The following CPAP variants were observed in gnomAD, a reference collection of about 807,000 sequenced individuals.
CPAP encodes centrosome assembly and centriole elongation protein, also known as centrosomal P4.1-associated protein.
At chr13:24,904,911 G>A in the CPAP span, among the ~76,000 whole-genome samples, 1 of 152,182 alleles carries the variant, frequency 6.6e-6, no homozygotes, top group Non-Finnish European at 1.5e-5. Context: ...AATGAGGTAG[G>A]TGTGTACATG....
the CPAP span, among the ~76,000 whole-genome samples, chr13:24,931,728 T>A: frequency 1.6e-3 from 247 of 152,342 alleles, 1 homozygote; most frequent in African/African-American, 5.7e-3. Flanking sequence ...ACAAACACTA[T>A]CACGAATTTC....
chr13:24,892,261 GA>G, the CPAP span, among the ~76,000 whole-genome samples: 1 of 152,214 alleles, frequency 6.6e-6, no homozygotes, highest in African/African-American at 2.4e-5. Context: ...TGTTTTAACA[GA>G]GATGATCTGC....
the CPAP span, among the ~76,000 whole-genome samples, chr13:24,890,286 A>G: frequency 1.3e-5 from 2 of 152,286 alleles, no homozygotes; most frequent in East Asian, 3.9e-4. Context: ...TCTTTCACCT[A>G]TTCTCTATTT....
chr13:24,889,419 T>C, the CPAP span: 1 of 1,517,276 alleles, frequency 6.6e-7, no homozygotes, highest in South Asian at 1.1e-5. Context: ...TAAGAGATAA[T>C]TTTTTATTTA....
the CPAP span, chr13:24,904,197 A>G: frequency 9.4e-3 from 9,221 of 980,506 alleles, 107 homozygotes; most frequent in Middle Eastern, 0.034. Context: ...TGCTTCAAAC[A>G]TGAAAAGGAA....
the CPAP span, chr13:24,884,598 TGAG>T: frequency 1.2e-6 from 1 of 844,298 alleles, no homozygotes; most frequent in East Asian, 2.6e-5. Flanking sequence ...CTTTATTTCG[TGAG>T]GAGTAGCAAA....
At chr13:24,890,162 T>C in the CPAP span, among the ~76,000 whole-genome samples, 3 of 152,188 alleles carry the variant, frequency 2.0e-5, no homozygotes, top group African/African-American at 4.8e-5. Context: ...TAGGGGTGAA[T>C]TGCCATGATT....
chr13:24,912,044 T>C, the CPAP span: 13 of 1,613,810 alleles, frequency 8.1e-6, no homozygotes, highest in Non-Finnish European at 1.1e-5. Flanking sequence ...CAATTGTTCC[T>C]GCTTCTTCTG....
At chr13:24,894,148 A>AG in the CPAP span, among the ~76,000 whole-genome samples, 1 of 152,188 alleles carries the variant, frequency 6.6e-6, no homozygotes, top group Non-Finnish European at 1.5e-5. Context: ...AGGGACAGGA[A>AG]GGGGAAAAAA....
At chr13:24,909,086 G>A in the CPAP span, among the ~76,000 whole-genome samples, 40 of 151,800 alleles carry the variant, frequency 2.6e-4, no homozygotes, top group Non-Finnish European at 1.5e-4. Context: ...CTAGGTGGTG[G>A]GTATATCAGT....
the CPAP span, among the ~76,000 whole-genome samples, chr13:24,890,499 A>T: frequency 6.6e-6 from 1 of 152,158 alleles, no homozygotes; most frequent in Non-Finnish European, 1.5e-5. Flanking sequence ...ATGCAGCTAA[A>T]ATATGCTATG....
the CPAP span, among the ~76,000 whole-genome samples, chr13:24,925,690 T>C: frequency 6.6e-6 from 1 of 152,096 alleles, no homozygotes; most frequent in Non-Finnish European, 1.5e-5. Context: ...GGAGAAACTA[T>C]AGGGAAAGGA....
At chr13:24,919,426 T>C in the CPAP span, among the ~76,000 whole-genome samples, 1 of 149,682 alleles carries the variant, frequency 6.7e-6, no homozygotes. Context: ...TTTTTAATCT[T>C]TTTTTTTTTC....
chr13:24,910,386 G>T, the CPAP span, among the ~76,000 whole-genome samples: 1 of 152,160 alleles, frequency 6.6e-6, no homozygotes, highest in Non-Finnish European at 1.5e-5. Flanking sequence ...ACCACGCCCA[G>T]CTAATTTTTT....
chr13:24,912,315 A>G, the CPAP span, among the ~76,000 whole-genome samples: 5 of 152,228 alleles, frequency 3.3e-5, 1 homozygote, highest in Middle Eastern at 6.3e-3. Context: ...TTAAAATAGG[A>G]TGGGCATCAG....
chr13:24,902,739 C>G, the CPAP span, among the ~76,000 whole-genome samples: 1 of 152,126 alleles, frequency 6.6e-6, no homozygotes, highest in African/African-American at 2.4e-5. Context: ...TCAACCACTT[C>G]GGAACTCTGG....
At chr13:24,924,059 T>C in the CPAP span, among the ~76,000 whole-genome samples, 2 of 152,140 alleles carry the variant, frequency 1.3e-5, no homozygotes, top group African/African-American at 2.4e-5. Flanking sequence ...GGTCTTGATC[T>C]TCTGACCTCG....
the CPAP span, among the ~76,000 whole-genome samples, chr13:24,927,905 C>G: frequency 6.6e-6 from 1 of 152,182 alleles, no homozygotes; most frequent in Non-Finnish European, 1.5e-5. Flanking sequence ...TTGGAAATAT[C>G]TTGGATATAT....
the CPAP span, among the ~76,000 whole-genome samples, chr13:24,918,040 G>A: frequency 6.6e-6 from 1 of 152,042 alleles, no homozygotes; most frequent in Non-Finnish European, 1.5e-5. Flanking sequence ...GGAGCGGACA[G>A]TCAAGCCATA....
Sources: gnomAD v4.1 joint callset for allele counts (sites outside exome capture counted in the v4.1 genomes callset) on GRCh38, gnomAD v4.1.1 for gene constraint, MANE v1.5 for transcripts, NCBI Gene and HGNC (gene_info 2026-07-23, HGNC 2026-07-21) for gene names.